TNRC6A: variants seen among roughly 807,000 people sequenced by gnomAD.
The protein encoded by TNRC6A is trinucleotide repeat-containing gene 6A protein.
A neutral mutation model predicts 221.2 loss-of-function variants in TNRC6A; 44 were observed. The ratio of observed to expected loss-of-function variants is 0.20; its 90% CI spans 0.16 to 0.26. The LOEUF (loss-of-function observed/expected upper bound fraction) is 0.26, where lower values mean the gene tolerates loss of function less well. Ranked by LOEUF, TNRC6A falls within the 10% of genes least tolerant of loss-of-function variation. The pLI, the probability that TNRC6A is intolerant of heterozygous loss-of-function variation, is 1.00. For synonymous variants in TNRC6A, 847 were observed against 838.5 expected (o/e 1.01, Z -0.18); for missense variants, 2,199 against 2,404.4 (o/e 0.91, Z 1.79).
At chr16:24,620,843 T>C (rs996623597) in intron 1 of TNRC6A, among the ~76,000 whole-genome samples, 2 of 151,652 alleles carry the variant, frequency 1.3e-5, no homozygotes, top group African/African-American at 4.8e-5. Context: ...CCCAGCACTT[T>C]GGGAGGCCGA....
chr16:24,679,956 C>G lies in TNRC6A; in HGVS notation n.402+38947C>G, dbSNP rs995744249. 5.9e-5 allele frequency among the ~76,000 whole-genome samples: 9 copies of G among 152,252 alleles called. No homozygotes were observed. In the South Asian group the frequency reaches 1.9e-3, roughly 32 times the overall value. ...CAGAACAATATTCACTCCAGGATATCATCCATGTAAAATAAAATACAACTT... is the reference window on the plus strand; with the variant it reads ...CAGAACAATATTCACTCCAGGATATGATCCATGTAAAATAAAATACAACTT... On this transcript the variant is annotated intron_variant and non_coding_transcript_variant, in intron 2 of 2. Transcript: ENST00000566108.
intron 2 of TNRC6A, among the ~76,000 whole-genome samples, chr16:24,682,406 T>C (rs74649289): frequency 6.6e-6 from 1 of 150,484 alleles, no homozygotes; most frequent in Non-Finnish European, 1.5e-5. Context: ...TTTTTTTTTT[T>C]CAGTAGAGAT....
intron 2 of TNRC6A, among the ~76,000 whole-genome samples, chr16:24,672,544 C>T (rs1326998518): frequency 6.6e-6 from 1 of 152,022 alleles, no homozygotes; most frequent in South Asian, 2.1e-4. Flanking sequence ...TGGGCTCAGG[C>T]GATTTTCCCA....
rs2058058860 is a variant in TNRC6A, at chr16:24,789,824, G to A, written c.1182G>A (p.Gln394=). 1.1e-5 allele frequency: 17 copies of A among 1,614,056 alleles called. No homozygotes were observed. Among genetic ancestry groups the A allele is most frequent in the Middle Eastern group, 1.6e-4 (1 of 6,084 alleles). Residue 394 remains glutamine, a synonymous_variant, in exon 6 of 25, where the codon CAG becomes CAA. Transcript: ENST00000395799. ...GTGGTAGTTCTGGCATTAATATTCA[G>A]TGCAGTACTATAGGCCAGATGCCTA... The part of the protein sequence containing the change: ...VGSGSSGINI[Q]CSTIGQMPNN...
At chr16:24,620,297 G>A (rs1459659460) in intron 1 of TNRC6A, among the ~76,000 whole-genome samples, 1 of 152,146 alleles carries the variant, frequency 6.6e-6, no homozygotes, top group East Asian at 1.9e-4. Context: ...ACCTGTTAGG[G>A]TTATTGTGAG....
rs755847764 is a variant in TNRC6A at position 24,791,050 on chromosome 16, G to A, written c.2408G>A (p.Gly803Glu). The A allele has an allele frequency of 1.3e-5, 21 of 1,596,764 alleles. 2 individuals carry two copies. The highest frequency in any genetic ancestry group is 5.7e-5 in the South Asian group (5 of 87,184). ...GDSKGSNCQG[G>E]WEDDSAATGM... The stretch of plus-strand genomic sequence containing the variant: ...TCCAAAGGCTCAAACTGCCAGGGGG[G>A]GTGGGAAGATGATTCTGCTGCTACA... The change falls in exon 6 of 25, where the codon GGG (glycine) becomes GAG (glutamate). Residue 803 changes from glycine (G) to glutamate (E), a missense_variant. Physicochemically the swap from Gly to Glu is moderately conservative, Grantham distance 98. Coordinates refer to ENST00000395799, the MANE Select transcript of TNRC6A (RefSeq NM_014494.4).
intron 5 of TNRC6A, among the ~76,000 whole-genome samples, chr16:24,781,937 C>T (rs2057857480): frequency 1.3e-5 from 2 of 152,100 alleles, no homozygotes; most frequent in Non-Finnish European, 2.9e-5. Flanking sequence ...ATTCTCCTGC[C>T]TCAGCCTCCC....
At chr16:24,805,961 T>C (rs1265997401) in intron 15 of TNRC6A, among the ~76,000 whole-genome samples, 1 of 152,170 alleles carries the variant, frequency 6.6e-6, no homozygotes. Context: ...AGGGTGCTAG[T>C]GTTAGTAGGA....
At position 24,690,300 on chromosome 16, in the gene TNRC6A, G is replaced by A. The variant is rs530373701; in HGVS notation, n.402+49291G>A. On this transcript the variant is annotated intron_variant and non_coding_transcript_variant, in intron 2 of 2. Transcript: ENST00000566108. Reference sequence around the variant, plus strand: ...GCTGAGATTACAGGCATAAGCCACCGTGCCTGGACAAGAAAAAAAAATTTT... The same window carrying A: ...GCTGAGATTACAGGCATAAGCCACCATGCCTGGACAAGAAAAAAAAATTTT... Among the ~76,000 whole-genome samples, 33 of 151,996 alleles carry A rather than the reference G, an allele frequency of 2.2e-4. 1 individual carries two copies. In the South Asian group the frequency reaches 6.4e-3, roughly 30 times the overall value.
chr16:24,789,572 T>G lies in TNRC6A; in HGVS notation c.930T>G (p.Thr310=), dbSNP rs1555505210. Residue 310 remains threonine (T), a synonymous_variant, in exon 6 of 25, where the codon ACT becomes ACG. Coordinates refer to ENST00000395799, the MANE Select transcript of TNRC6A (RefSeq NM_014494.4). ...ATAATGTGGGCCATGGAAGTAGTAC[T>G]GGGCCATGGGGTTTTTCCCATGGAG... ...SSNNVGHGSS[T]GPWGFSHGAI... is the part of the protein sequence containing the mutation. The G allele has an allele frequency of 6.2e-7, 1 of 1,614,108 alleles. No individual in the cohort carries two copies. The highest frequency in any genetic ancestry group is 8.5e-7 in the Non-Finnish European group (1 of 1,180,024).
At chr16:24,796,582 G>T (rs911763795) in intron 9 of TNRC6A, among the ~76,000 whole-genome samples, 1 of 152,168 alleles carries the variant, frequency 6.6e-6, no homozygotes, top group South Asian at 2.1e-4. Context: ...AACTAGTTAG[G>T]TATGGGGATG....
chr16:24,675,300 A>G (rs548998382), intron 2 of TNRC6A, among the ~76,000 whole-genome samples: 4 of 152,306 alleles, frequency 2.6e-5, no homozygotes, highest in Non-Finnish European at 2.9e-5. Context: ...ATTTTGCATG[A>G]GAAATGCTGT....
chr16:24,795,805 A>G (rs1244491944), intron 8 of TNRC6A, 102 bp from the exon 9 acceptor site: 2 of 1,138,850 alleles, frequency 1.8e-6, no homozygotes, highest in African/African-American at 1.6e-5. Flanking sequence ...TGCGATAACT[A>G]GTAAGCGACA....
chr16:24,625,732 C>CAAAAAAAAAAAAAA (rs1296078884), intron 1 of TNRC6A, among the ~76,000 whole-genome samples: 4 of 78,514 alleles, frequency 5.1e-5, no homozygotes, highest in African/African-American at 4.9e-5. Context: ...GACTCCGTCT[C>CAAAAAAAAAAAAAA]AAAACAAAAA....
intron 2 of TNRC6A, among the ~76,000 whole-genome samples, chr16:24,681,010 C>A (rs2055523076): frequency 6.6e-6 from 1 of 152,022 alleles, no homozygotes; most frequent in Admixed American, 6.6e-5. Flanking sequence ...CTCAAACAAT[C>A]TTCCTGCCTC....
intron 2 of TNRC6A, among the ~76,000 whole-genome samples, chr16:24,646,847 A>G (rs938401016): frequency 6.6e-6 from 1 of 152,132 alleles, no homozygotes; most frequent in Non-Finnish European, 1.5e-5. Flanking sequence ...ATTTAGCTTT[A>G]ATACGTTCTT....
intron 23 of TNRC6A, among the ~76,000 whole-genome samples, chr16:24,822,652 T>G (rs539485802): frequency 6.6e-6 from 1 of 151,526 alleles, no homozygotes; most frequent in South Asian, 2.1e-4. Flanking sequence ...ATCTGGGGAG[T>G]GTCCAGGAGT....
chr16:24,767,850 G>C (rs1350208954), intron 4 of TNRC6A, among the ~76,000 whole-genome samples: 2 of 152,064 alleles, frequency 1.3e-5, no homozygotes, highest in Admixed American at 6.5e-5. Context: ...TGAATGTTCA[G>C]GTATTATGTT....
chr16:24,688,890 G>A (rs2055694501), intron 2 of TNRC6A, among the ~76,000 whole-genome samples: 1 of 152,140 alleles, frequency 6.6e-6, no homozygotes, highest in Non-Finnish European at 1.5e-5. Context: ...ACCAGTTAGA[G>A]GTACGTTTTG....
Sources: gnomAD v4.1 joint callset for allele counts (sites outside exome capture counted in the v4.1 genomes callset) on GRCh38, gnomAD v4.1.1 for gene constraint, MANE v1.5 for transcripts, NCBI Gene and HGNC (gene_info 2026-07-23, HGNC 2026-07-21) for gene names.